Variants in DCAF5 observed in about 807,000 individuals in gnomAD.
DCAF5 encodes DDB1- and CUL4-associated factor 5.
DCAF5 carries 9 observed loss-of-function variants against 80.7 expected under a neutral mutation model. The observed-to-expected ratio is 0.11, with a 90% CI of 0.07 to 0.19. The LOEUF is 0.19. Ranked by LOEUF, DCAF5 falls within the 10% of genes least tolerant of loss-of-function variation. DCAF5 has a pLI of 1.00. For synonymous variants in DCAF5, 433 were observed against 461.9 expected (o/e 0.94, Z 0.80); for missense variants, 842 against 1,205.7 (o/e 0.70, Z 4.47).
At chr14:69,100,963 A>G (rs1002540934) in intron 5 of DCAF5, among the ~76,000 whole-genome samples, 3 of 152,236 alleles carry the variant, frequency 2.0e-5, no homozygotes, top group Admixed American at 2.0e-4. Context: ...TGAAGAAGCA[A>G]CAAGTTCTTC....
In DCAF5 at chr14:69,055,554, C is replaced by A; in HGVS notation, c.1132G>T (p.Asp378Tyr). Residue 378 changes from aspartate to tyrosine, a missense_variant, in exon 9 of 9, where the codon GAC (aspartate) becomes TAC (tyrosine). This residue lies in a region of DCAF5 where 65 missense variants were observed against 191.3 expected (regional missense o/e 0.34). Transcript: ENST00000341516. The surrounding 1 kb of genome is among the most constrained non-coding windows in gnomAD (Gnocchi z 5.6). ...CTGDLDGRIE[D>Y]DSRCLYTHEE... ...TGGGTATAGAGGCAGCGGGAATCGT[C>A]CTCAATCCGACCGTCGAGGTCTCCA... 9 of 1,612,426 alleles carry A rather than the reference C, an allele frequency of 5.6e-6. No individual in the cohort carries two copies. The highest frequency in any genetic ancestry group is 7.6e-6 in the Non-Finnish European group (9 of 1,178,516).
chr14:69,079,600 C>T (rs2039024920), intron 6 of DCAF5, among the ~76,000 whole-genome samples: 1 of 152,088 alleles, frequency 6.6e-6, no homozygotes, highest in African/African-American at 2.4e-5. Flanking sequence ...AAGTTGGCTG[C>T]CTGGGATACT....
At position 69,141,732 on chromosome 14, in the gene DCAF5, CTCATCTTA is replaced by C. The variant is rs996678317; in HGVS notation, c.214+11025_214+11032del. On this transcript the variant is annotated intron_variant, in intron 1 of 8. Transcript: ENST00000341516. ...AATGAACCTTATTAAGTAATCTTGCCTCATCTTATCAACTGGCAGAAGCCCCAGCAGAG... is the reference window on the plus strand; with the variant it reads ...AATGAACCTTATTAAGTAATCTTGCCTCAACTGGCAGAAGCCCCAGCAGAG... Among the ~76,000 whole-genome samples, 21 of 152,252 alleles carry C rather than the reference CTCATCTTA, an allele frequency of 1.4e-4. No homozygotes were observed. The South Asian group carries it at 2.3e-3, about 17-fold the overall frequency.
Position 69,151,049 on chromosome 14 carries a change from T to C in DCAF5, c.214+1716A>G, listed in dbSNP as rs971022232. ...CTTGTGTCTGGGAACTTCTCTGTTG[T>C]AATACATCGGGAGTTTTATGAATAC... is the stretch of plus-strand genomic sequence containing the variant. On this transcript the variant is annotated intron_variant, in intron 1 of 8. Coordinates refer to ENST00000341516, the MANE Select transcript of DCAF5 (RefSeq NM_003861.3). Among the ~76,000 whole-genome samples, 2 of 152,166 alleles carry C rather than the reference T, an allele frequency of 1.3e-5. 1 individual carries two copies. The highest frequency in any genetic ancestry group is 4.1e-4 in the South Asian group (2 of 4,834).
intron 7 of DCAF5, among the ~76,000 whole-genome samples, chr14:69,073,304 A>T (rs1262805176): frequency 6.6e-6 from 1 of 152,234 alleles, no homozygotes; most frequent in Non-Finnish European, 1.5e-5. Context: ...GAGAAAAGTG[A>T]GAACACAGTG....
At chr14:69,139,266 G>A (rs575561549) in intron 1 of DCAF5, among the ~76,000 whole-genome samples, 11 of 152,114 alleles carry the variant, frequency 7.2e-5, no homozygotes, top group Middle Eastern at 6.8e-3. Context: ...TGGGAAGATC[G>A]CTTGAGGCCA....
At chr14:69,077,265 C>T (rs2038935530) in intron 6 of DCAF5, among the ~76,000 whole-genome samples, 1 of 152,156 alleles carries the variant, frequency 6.6e-6, no homozygotes, top group Non-Finnish European at 1.5e-5. Flanking sequence ...TGCAGTGGCA[C>T]GATTATGGCT....
intron 6 of DCAF5, chr14:69,085,092 A>G: frequency 1.1e-6 from 1 of 949,404 alleles, no homozygotes; most frequent in Non-Finnish European, 1.7e-6. Flanking sequence ...GATTCAAAAG[A>G]ACTACTTTTT....
At chr14:69,067,236 T>C (rs1472637363) in intron 7 of DCAF5, among the ~76,000 whole-genome samples, 2 of 151,804 alleles carry the variant, frequency 1.3e-5, no homozygotes, top group African/African-American at 4.8e-5. Flanking sequence ...GTGTATTAGA[T>C]GGTGGAACAC....
intron 1 of DCAF5, among the ~76,000 whole-genome samples, chr14:69,128,442 T>C (rs1258537317): frequency 6.6e-6 from 1 of 152,216 alleles, no homozygotes; most frequent in East Asian, 1.9e-4. Flanking sequence ...CGCCTTGGCC[T>C]CCCAAAGTGC....
chr14:69,072,467 GCA>G (rs938741905), intron 7 of DCAF5, among the ~76,000 whole-genome samples: 7 of 151,682 alleles, frequency 4.6e-5, no homozygotes, highest in Non-Finnish European at 1.0e-4. Context: ...AAGAGGCCAG[GCA>G]CAGTGATGCA....
chr14:69,087,634 G>C (rs896182831), intron 6 of DCAF5, among the ~76,000 whole-genome samples: 10 of 152,132 alleles, frequency 6.6e-5, no homozygotes, highest in African/African-American at 2.4e-4. Context: ...TAGCCAAAAG[G>C]GGGGAAGACA....
At chr14:69,141,500 CCT>C (rs745678311) in intron 1 of DCAF5, among the ~76,000 whole-genome samples, 1 of 152,162 alleles carries the variant, frequency 6.6e-6, no homozygotes, top group Non-Finnish European at 1.5e-5. Context: ...CTATCCCTCC[CCT>C]GTCCTGCCAC....
intron 5 of DCAF5, among the ~76,000 whole-genome samples, chr14:69,104,343 T>C (rs987438876): frequency 3.6e-4 from 55 of 152,142 alleles, no homozygotes; most frequent in African/African-American, 1.3e-3. Flanking sequence ...AATTTCTTTA[T>C]GGATACACAC....
chr14:69,095,980 T>C (rs1198410276), intron 5 of DCAF5, among the ~76,000 whole-genome samples: 2 of 152,174 alleles, frequency 1.3e-5, no homozygotes, highest in African/African-American at 2.4e-5. Context: ...GTCCTTTCTA[T>C]GGGAGAAAGT....
At chr14:69,075,450 A>T in intron 6 of DCAF5, 39 bp from the exon 7 acceptor site, 5 of 1,183,940 alleles carry the variant, frequency 4.2e-6, no homozygotes, top group African/African-American at 1.6e-5. Flanking sequence ...ATTATATATT[A>T]TAATATAGAA....
At chr14:69,123,574 G>A (rs775515451) in intron 1 of DCAF5, among the ~76,000 whole-genome samples, 9 of 152,074 alleles carry the variant, frequency 5.9e-5, no homozygotes, top group Non-Finnish European at 1.0e-4. Context: ...ACAATTCAGT[G>A]GCATTAAGTA....
At chr14:69,087,262 C>T (rs540592662) in intron 6 of DCAF5, among the ~76,000 whole-genome samples, 3 of 152,240 alleles carry the variant, frequency 2.0e-5, no homozygotes, top group Admixed American at 2.0e-4. Flanking sequence ...TTAAGAGACT[C>T]GCTCACTGAG....
chr14:69,076,102 AG>A (rs1354714733), intron 6 of DCAF5, among the ~76,000 whole-genome samples: 2 of 151,956 alleles, frequency 1.3e-5, no homozygotes, highest in African/African-American at 4.8e-5. Flanking sequence ...CACACCCATT[AG>A]GATGACTATT....
Sources: allele counts gnomAD v4.1 joint callset (sites outside exome capture counted in the v4.1 genomes callset), GRCh38; gene constraint gnomAD v4.1.1; regional missense constraint gnomAD v4.1.1; non-coding constraint Gnocchi (gnomAD v3.1); transcripts MANE v1.5; gene names NCBI Gene and HGNC (gene_info 2026-07-23, HGNC 2026-07-21).